Variants in LMO7 observed in about 807,000 individuals in gnomAD.
The protein encoded by LMO7 is LIM domain 7.
LMO7 carries 120 observed loss-of-function variants against 206.5 expected under a neutral mutation model. The observed-to-expected ratio is 0.58, with a 90% confidence interval of 0.50 to 0.68. The LOEUF (loss-of-function observed/expected upper bound fraction) is 0.68, where lower values mean the gene tolerates loss of function less well. Among genes scored for constraint, LMO7 ranks in the 30% least tolerant of loss-of-function variants. The pLI is 0.00. For synonymous variants in LMO7, 706 were observed against 681.5 expected, an observed-to-expected ratio of 1.04 and a Z score of -0.56; for missense variants, 1,959 against 1,957.9, an observed-to-expected ratio of 1.00 and a Z score of -0.01.
chr13:75,744,010 T>C (rs1171695802), intron 3 of LMO7, among the ~76,000 whole-genome samples: 1 of 152,224 alleles, frequency 6.6e-6, no homozygotes, highest in Non-Finnish European at 1.5e-5. Context: ...AACTGAAGAT[T>C]GTGCATTGCT....
chr13:75,826,032 A>T (rs563550158), intron 15 of LMO7, among the ~76,000 whole-genome samples: 6 of 151,860 alleles, frequency 4.0e-5, no homozygotes, highest in East Asian at 3.9e-4. Context: ...TTCTTTTTTT[A>T]AAAATTAATT....
At chr13:75,662,544 C>T (rs1015261821) in intron 1 of LMO7, among the ~76,000 whole-genome samples, 1 of 152,154 alleles carries the variant, frequency 6.6e-6, no homozygotes, top group Admixed American at 6.5e-5. Flanking sequence ...GTCTTGAATG[C>T]CTGAGCTCAA....
chr13:75,833,611 C>T (rs1237177172), intron 16 of LMO7, among the ~76,000 whole-genome samples: 1 of 152,080 alleles, frequency 6.6e-6, no homozygotes, highest in Non-Finnish European at 1.5e-5. Flanking sequence ...AAAAGGATTA[C>T]CCCTCCCCTG....
chr13:75,712,026 A>G (rs1056646248), intron 1 of LMO7, among the ~76,000 whole-genome samples: 3 of 152,092 alleles, frequency 2.0e-5, no homozygotes, highest in South Asian at 2.1e-4. Flanking sequence ...AAACACAACC[A>G]TTATTTTGTC....
chr13:75,850,980 C>T (rs900193237), intron 27 of LMO7, among the ~76,000 whole-genome samples: 2 of 152,144 alleles, frequency 1.3e-5, no homozygotes, highest in Non-Finnish European at 2.9e-5. Flanking sequence ...GGCCTCTCCA[C>T]ATAGTTTTTT....
chr13:75,671,573 T>C (rs2039584621), intron 1 of LMO7, among the ~76,000 whole-genome samples: 1 of 152,216 alleles, frequency 6.6e-6, no homozygotes, highest in African/African-American at 2.4e-5. Flanking sequence ...CAAACCTTCC[T>C]GTTCCTTCTA....
At chr13:75,756,228 T>C (rs545943) in intron 3 of LMO7, among the ~76,000 whole-genome samples, 1 of 152,150 alleles carries the variant, frequency 6.6e-6, no homozygotes, top group African/African-American at 2.4e-5. Context: ...GAAGAGCTAC[T>C]CTTGAAGAGA....
Position 75,858,038 on chromosome 13 carries a change from T to TC in LMO7, c.*95_*96insC. On this transcript the variant is annotated 3_prime_UTR_variant, in exon 31 of 31. Transcript: ENST00000377534. ...AATATGTGTTGTATGTCTTTTTTGC[T>TC]TTTTTTTTAAAAAAAAGAATAACTT... is the stretch of plus-strand genomic sequence containing the variant. 1 of 1,303,816 alleles carries TC rather than the reference T, an allele frequency of 7.7e-7. No individual in the cohort carries two copies. The allele number at this position is 1,303,816 out of a possible 1,614,324, so 80.8% of individuals were successfully genotyped here. A position where few individuals can be genotyped will look rare whatever the true frequency, so the allele number is the denominator to read the frequency against.
chr13:75,840,934 T>G (rs546685454), intron 22 of LMO7, among the ~76,000 whole-genome samples, 175 bp from the exon 23 acceptor site: 2 of 152,306 alleles, frequency 1.3e-5, no homozygotes, highest in African/African-American at 4.8e-5. Context: ...CAGTTTTAAT[T>G]CAATATATGC....
Position 75,713,238 on chromosome 13 carries a change from T to C in LMO7, c.126T>C (p.Gly42=). Reference sequence around the variant, plus strand: ...ATTTTCGAGCCTCTCTAGAAAATGGTGTTCTGCTGTGTGAGTAAGTATTTA... The same window carrying C: ...ATTTTCGAGCCTCTCTAGAAAATGGCGTTCTGCTGTGTGAGTAAGTATTTA... The part of the protein sequence containing the change: ...TKDFRASLEN[G]VLLCDLINKL... The change falls in exon 2 of 31, where the codon GGT becomes GGC. Residue 42 remains glycine (G), a synonymous_variant. Coordinates refer to ENST00000377534, the MANE Select transcript of LMO7 (RefSeq NM_001306080.2). The C allele has an allele frequency of 6.2e-7, 1 of 1,608,954 alleles. No individual in the cohort carries two copies. The highest frequency in any genetic ancestry group is 8.5e-7 in the Non-Finnish European group (1 of 1,176,236).
chr13:75,685,890 CTTTTTT>C (rs551370410), intron 1 of LMO7, among the ~76,000 whole-genome samples: 3 of 105,976 alleles, frequency 2.8e-5, no homozygotes, highest in Admixed American at 1.0e-4. Context: ...TTTTCTTTCT[CTTTTTT>C]TTTTTTTTTT....
chr13:75,678,495 A>C (rs1316033311), intron 1 of LMO7, among the ~76,000 whole-genome samples: 1 of 152,068 alleles, frequency 6.6e-6, no homozygotes, highest in Non-Finnish European at 1.5e-5. Context: ...TTTTGGGGGA[A>C]AGTTTCCAAA....
chr13:75,812,107 G>A (rs937570085), intron 11 of LMO7, among the ~76,000 whole-genome samples: 1 of 152,160 alleles, frequency 6.6e-6, no homozygotes, highest in African/African-American at 2.4e-5. Context: ...TTGGGTGGGT[G>A]GGGGTGTGTG....
In LMO7 at chr13:75,858,829, C is replaced by T. The variant is rs1182870788; in HGVS notation, c.*886C>T. 1 of 152,174 alleles carries T rather than the reference C, an allele frequency of 6.6e-6. No homozygotes were observed. The highest frequency in any genetic ancestry group is 2.4e-5 in the African/African-American group (1 of 41,416). 9.4% of individuals were successfully genotyped at this position (152,174 alleles called of 1,614,324 possible). ...AAACTGCATATATTTAAAGTGTATA[C>T]TTTGACAAATTTTGACATGGTGTAT... On this transcript the variant is annotated 3_prime_UTR_variant, in exon 31 of 31. Coordinates refer to ENST00000377534, the MANE Select transcript of LMO7 (RefSeq NM_001306080.2).
intron 7 of LMO7, among the ~76,000 whole-genome samples, chr13:75,803,548 T>C (rs2055052016): frequency 6.6e-6 from 1 of 152,246 alleles, no homozygotes. Context: ...TCTTCTTCTT[T>C]TAAGAAAGCA....
chr13:75,857,817 C>T (rs1407963), intron 30 of LMO7, 104 bp from the exon 31 acceptor site: 58,295 of 660,768 alleles, frequency 0.088, 2,758 homozygotes, highest in East Asian at 0.14. Flanking sequence ...CTCTTTCTAC[C>T]TCATTGGGCC....
At chr13:75,676,412 A>C (rs1275505971) in intron 1 of LMO7, among the ~76,000 whole-genome samples, 1 of 152,206 alleles carries the variant, frequency 6.6e-6, no homozygotes, top group African/African-American at 2.4e-5. Context: ...GAGCACTCCA[A>C]GCCGGCTCCT....
At chr13:75,784,754 TATC>T (rs2052129959) in intron 4 of LMO7, among the ~76,000 whole-genome samples, 1 of 152,226 alleles carries the variant, frequency 6.6e-6, no homozygotes, top group East Asian at 1.9e-4. Context: ...AGATGGATAT[TATC>T]TTTATTTTTT....
At chr13:75,638,404 T>C (rs980161450) in intron 1 of LMO7, among the ~76,000 whole-genome samples, 4 of 152,154 alleles carry the variant, frequency 2.6e-5, no homozygotes, top group Non-Finnish European at 5.9e-5. Context: ...AAAGATATCA[T>C]TGCGCATATT....
Sources: allele counts gnomAD v4.1 joint callset (sites outside exome capture counted in the v4.1 genomes callset), GRCh38; gene constraint gnomAD v4.1.1; transcripts MANE v1.5; gene names NCBI Gene and HGNC (gene_info 2026-07-23, HGNC 2026-07-21).